The following ZNF385D variants were observed in gnomAD, a reference collection of about 807,000 sequenced individuals.
ZNF385D encodes zinc finger protein 385D.
A neutral mutation model predicts 35.8 loss-of-function variants in ZNF385D; 15 were observed. That is an observed-to-expected ratio of 0.42 (90% CI 0.28 to 0.64). The LOEUF (loss-of-function observed/expected upper bound fraction) is 0.64. Ranked by LOEUF, ZNF385D falls within the 30% of genes least tolerant of loss-of-function variation. The pLI is 0.23. For missense variants in ZNF385D, 474 were observed against 494.6 expected (o/e 0.96, Z 0.39); for synonymous variants, 212 against 186.8 (o/e 1.13, Z -1.10).
At chr3:21,829,763 A>T (rs1425223609) in intron 3 of ZNF385D, among the ~76,000 whole-genome samples, 1 of 151,794 alleles carries the variant, frequency 6.6e-6, no homozygotes, top group Non-Finnish European at 1.5e-5. Flanking sequence ...GGTTGGTGCA[A>T]AAGTAATTGT....
At chr3:21,751,465 G>A (rs978867488), upstream of ZNF385D, 113 of 985,722 alleles carry the variant, frequency 1.1e-4, no homozygotes, top group Non-Finnish European at 1.3e-4. Context: ...GGCGAGTTCT[G>A]CCATTAACGT....
intron 3 of ZNF385D, among the ~76,000 whole-genome samples, chr3:21,870,885 T>C (rs1394801772): frequency 1.3e-5 from 2 of 152,090 alleles, no homozygotes; most frequent in Admixed American, 6.6e-5. Flanking sequence ...ACCATTCTTA[T>C]CCAAGCCACA....
chr3:21,475,642 T>C (rs1704188811), intron 4 of ZNF385D, among the ~76,000 whole-genome samples: 1 of 152,142 alleles, frequency 6.6e-6, no homozygotes, highest in Non-Finnish European at 1.5e-5. Flanking sequence ...TTTTTTAATA[T>C]GAGCCAAAGA....
intron 2 of ZNF385D, among the ~76,000 whole-genome samples, chr3:21,619,274 A>G (rs1322752859): frequency 6.6e-6 from 1 of 152,110 alleles, no homozygotes; most frequent in Non-Finnish European, 1.5e-5. Context: ...CCTTGTGAAT[A>G]CAATCTTTTA....
intron 1 of ZNF385D, among the ~76,000 whole-genome samples, chr3:21,703,877 C>T (rs1196663615): frequency 6.6e-6 from 1 of 152,150 alleles, no homozygotes; most frequent in Non-Finnish European, 1.5e-5. Context: ...CCACTTTCTT[C>T]CCTACACCAT....
At chr3:21,665,140 G>C in intron 1 of ZNF385D, 112 bp from the exon 2 acceptor site, 2 of 1,352,964 alleles carry the variant, frequency 1.5e-6, no homozygotes, top group Non-Finnish European at 2.0e-6. Context: ...GAAAAAACAA[G>C]ACATGGACTC....
intron 3 of ZNF385D, among the ~76,000 whole-genome samples, chr3:22,079,579 CA>C (rs1378886869): frequency 6.6e-6 from 1 of 151,866 alleles, no homozygotes; most frequent in Non-Finnish European, 1.5e-5. Context: ...CAAAGCAGGT[CA>C]GAGCTTTTTT....
rs1221683001 is a variant in ZNF385D, at chr3:22,050,935, G to A, written c.325+117882C>T. Reference sequence around the variant, plus strand: ...ACTTCCAACTATGTGGTCAATTTTGGAATAGGTGTGGTGTGGTGCTGAAAA... The same window carrying A: ...ACTTCCAACTATGTGGTCAATTTTGAAATAGGTGTGGTGTGGTGCTGAAAA... On this transcript the variant is annotated intron_variant, in intron 3 of 5. Coordinates refer to the ZNF385D transcript ENST00000494108. Among the ~76,000 whole-genome samples, 2 of 25,516 alleles carry A rather than the reference G, an allele frequency of 7.8e-5. 1 individual carries two copies. The highest frequency in any genetic ancestry group is 1.7e-4 in the Non-Finnish European group (2 of 12,088). The allele number at this position is 25,516 out of a possible 152,430, so 16.7% of individuals were successfully genotyped here.
rs565854161 is a variant in ZNF385D, at chr3:22,115,510, G to A, written c.325+53307C>T. Among the ~76,000 whole-genome samples, 29 of 152,102 alleles carry A rather than the reference G, an allele frequency of 1.9e-4. No individual in the cohort carries two copies. In the East Asian group the frequency reaches 4.8e-3, roughly 25 times the overall value. On this transcript the variant is annotated intron_variant, in intron 3 of 5. Coordinates refer to the ZNF385D transcript ENST00000494108. ...ATTTTATAGAGAATGAAAGAAAATG[G>A]TCATTTTCAAGATTTTCAAGTGATG...
chr3:22,191,238 C>G (rs1433704892), intron 2 of ZNF385D, among the ~76,000 whole-genome samples: 4 of 152,036 alleles, frequency 2.6e-5, no homozygotes, highest in Non-Finnish European at 5.9e-5. Context: ...CGCCTATAAT[C>G]CCAGCACTTT....
Position 21,564,644 on chromosome 3 carries a change from C to A in ZNF385D, c.206G>T (p.Gly69Val). 1 of 1,584,730 alleles carries A rather than the reference C, an allele frequency of 6.3e-7. No homozygotes were observed. Residue 69 changes from glycine to valine, a missense_variant, in exon 3 of 8, where the codon GGG becomes GTG. Coordinates refer to ENST00000281523, the MANE Select transcript of ZNF385D (RefSeq NM_024697.3). ...CTTTCTTCGGTGGGGAAGAGGAACC[C>A]CGAATGTATGGTTTATTACAGCTTT... ...IQKAVINHTF[G>V]VPLPHRRKQI...
chr3:21,931,698 A>G (rs988994260), intron 3 of ZNF385D, among the ~76,000 whole-genome samples: 2 of 152,178 alleles, frequency 1.3e-5, no homozygotes, highest in Non-Finnish European at 2.9e-5. Flanking sequence ...GGGTGAGACC[A>G]GGGATTGACT....
chr3:22,112,118 A>T (rs1487358568), intron 3 of ZNF385D, among the ~76,000 whole-genome samples: 1 of 152,226 alleles, frequency 6.6e-6, no homozygotes, highest in Non-Finnish European at 1.5e-5. Context: ...AAATAAATTA[A>T]CATGTAAATG....
At chr3:22,247,756 C>T (rs891756037) in intron 2 of ZNF385D, among the ~76,000 whole-genome samples, 5 of 151,930 alleles carry the variant, frequency 3.3e-5, no homozygotes, top group Non-Finnish European at 5.9e-5. Flanking sequence ...AGGCACATGC[C>T]ACCACACCCA....
intron 3 of ZNF385D, among the ~76,000 whole-genome samples, chr3:21,919,709 G>A (rs528894177): frequency 4.3e-4 from 65 of 152,250 alleles, no homozygotes; most frequent in Middle Eastern, 3.4e-3. Context: ...TTTCACAGTT[G>A]CTCATACTAC....
chr3:22,189,636 T>C (rs1317166463), intron 2 of ZNF385D, among the ~76,000 whole-genome samples: 1 of 152,194 alleles, frequency 6.6e-6, no homozygotes, highest in Admixed American at 6.6e-5. Context: ...AATTCTTTAT[T>C]ACTACCTAGA....
intron 2 of ZNF385D, among the ~76,000 whole-genome samples, chr3:22,275,672 A>T (rs1701390154): frequency 6.6e-6 from 1 of 152,178 alleles, no homozygotes; most frequent in Admixed American, 6.5e-5. Flanking sequence ...TATTTTTATC[A>T]ACTTTAATAA....
rs1455166991 is a variant in ZNF385D, at chr3:21,738,698, G to C, written c.22+12197C>G. On this transcript the variant is annotated intron_variant, in intron 1 of 7. Coordinates refer to ENST00000281523, the MANE Select transcript of ZNF385D (RefSeq NM_024697.3). ...TCTATTTTTCTGTCCATGAAATGGA[G>C]ACTTTTGGCCCCTTATGTTTAATCC... 2.0e-5 allele frequency among the ~76,000 whole-genome samples: 3 copies of C among 152,234 alleles called. No homozygotes were observed. In the East Asian group the frequency reaches 5.8e-4, roughly 29 times the overall value.
chr3:21,446,548 C>T lies in ZNF385D; in HGVS notation c.440-9345G>A, dbSNP rs563733827. Among the ~76,000 whole-genome samples, 10 of 123,568 alleles carry T rather than the reference C, an allele frequency of 8.1e-5. No individual in the cohort carries two copies. The South Asian group carries it at 2.1e-3, about 26-fold the overall frequency. The allele number at this position is 123,568 out of a possible 152,430, so 81.1% of individuals were successfully genotyped here. ...TCACTCTATCATGCAGGCTGGAGTG[C>T]GGTGGCACCATCTCAGCTCACTGCA... On this transcript the variant is annotated intron_variant, in intron 4 of 7. Transcript: ENST00000281523.
Sources: gnomAD v4.1 joint callset for allele counts (sites outside exome capture counted in the v4.1 genomes callset) on GRCh38, gnomAD v4.1.1 for gene constraint, MANE v1.5 for transcripts, NCBI Gene and HGNC (gene_info 2026-07-23, HGNC 2026-07-21) for gene names.